FGFRL1: variants seen among roughly 807,000 people sequenced by gnomAD.
The protein encoded by FGFRL1 is fibroblast growth factor receptor like 1.
FGFRL1 carries 24 observed loss-of-function variants against 36.8 expected under a neutral mutation model. The ratio of observed to expected loss-of-function variants is 0.65; its 90% CI spans 0.47 to 0.92. The LOEUF (loss-of-function observed/expected upper bound fraction) is 0.92. Ranked by LOEUF, FGFRL1 falls within the 40% of genes least tolerant of loss-of-function variation. The probability of loss-of-function intolerance (pLI) is 0.00; values close to 1 mark genes in which losing one functional copy is unlikely to be tolerated. For synonymous variants in FGFRL1, 422 were observed against 344.1 expected (o/e 1.23, Z -2.50); for missense variants, 785 against 753.4 (o/e 1.04, Z -0.49).
rs775228687 is a variant in FGFRL1 at position 1,024,110 on chromosome 4, G to A, written c.718+9G>A. 2.0e-6 allele frequency: 3 copies of A among 1,527,136 alleles called. No homozygotes were observed. Among genetic ancestry groups the A allele is most frequent in the Non-Finnish European group, 2.6e-6 (3 of 1,138,608 alleles). 94.6% of individuals were successfully genotyped at this position (1,527,136 alleles called of 1,614,324 possible). ...CAAGGTGGATGTGATCCGTGAGTGT[G>A]GCCCCGGGCGCTGGCGGGCGGGGGG... On this transcript the variant is annotated intron_variant, in intron 5 of 6. Coordinates refer to ENST00000510644, the MANE Select transcript of FGFRL1 (RefSeq NM_001004356.3).
chr4:1,012,448 A>T (rs1407005545), intron 1 of FGFRL1, 22 bp from the exon 2 acceptor site: 3 of 1,574,262 alleles, frequency 1.9e-6, no homozygotes, highest in Non-Finnish European at 1.7e-6. Flanking sequence ...CGTGTTAGTG[A>T]CGGCGCCCCC....
At chr4:1,022,720 T>C (rs948610917) in intron 3 of FGFRL1, among the ~76,000 whole-genome samples, 1 of 151,570 alleles carries the variant, frequency 6.6e-6, no homozygotes, top group African/African-American at 2.4e-5. Context: ...GGGCGGAGGG[T>C]GGAGGGCGGG....
At position 1,024,315 on chromosome 4, in the gene FGFRL1, G is replaced by T; in HGVS notation, c.723G>T (p.Arg241=). ...CCGCGTGCCACGTTCCCACAGAGCG[G>T]ACCCGTTCCAAGCCCGTGCTCACAG... ...NATYKVDVIQ[R]TRSKPVLTGT... Residue 241 remains arginine (R), a synonymous_variant, in exon 6 of 7, where the codon CGG becomes CGT. Coordinates refer to ENST00000510644, the MANE Select transcript of FGFRL1 (RefSeq NM_001004356.3). 1 of 1,598,178 alleles carries T rather than the reference G, an allele frequency of 6.3e-7. No individual in the cohort carries two copies.
In FGFRL1 at chr4:1,023,812, C is replaced by G; in HGVS notation, c.434-5C>G. The G allele has an allele frequency of 6.4e-7, 1 of 1,574,668 alleles. No homozygotes were observed. The highest frequency in any genetic ancestry group is 8.6e-7 in the Non-Finnish European group (1 of 1,159,948). On this transcript the variant is annotated splice_polypyrimidine_tract_variant and splice_region_variant and intron_variant, in intron 4 of 6. Transcript: ENST00000510644. This position sits in a 1 kb window ranked among gnomAD's most constrained non-coding sequence, Gnocchi z 6.0. ...CTCTGACCTCCACGCCACCCCACCC[C>G]GCAGCACGACCGCGCTTCACACAGC...
intron 2 of FGFRL1, among the ~76,000 whole-genome samples, chr4:1,017,707 C>T (rs977300103): frequency 7.2e-5 from 11 of 152,178 alleles, no homozygotes; most frequent in Admixed American, 5.2e-4. Context: ...GGGGTCATGA[C>T]GCTGCACGTG....
Position 1,024,441 on chromosome 4 carries a change from C to T in FGFRL1, c.849C>T (p.Arg283=), listed in dbSNP as rs770577862. 1.7e-5 allele frequency: 27 copies of T among 1,612,434 alleles called. No homozygotes were observed. The highest frequency in any genetic ancestry group is 5.5e-5 in the South Asian group (5 of 91,084). The part of the protein sequence containing the change: ...DVKPVIQWLK[R]VEYGAEGRHN... ...AGCCGGTGATCCAGTGGCTGAAGCG[C>T]GTGGAGTACGGCGCCGAGGGCCGCC... The change falls in exon 6 of 7, where the codon CGC becomes CGT. Residue 283 remains arginine (R), a synonymous_variant. Transcript: ENST00000510644.
At position 1,025,401 on chromosome 4, in the gene FGFRL1, G is replaced by GCCATCCCA; in HGVS notation, c.*54_*55insCCATCCCA. 2 of 1,502,666 alleles carry GCCATCCCA rather than the reference G, an allele frequency of 1.3e-6. No individual in the cohort carries two copies. The highest frequency in any genetic ancestry group is 1.4e-5 in the African/African-American group (1 of 72,426). The allele number at this position is 1,502,666 out of a possible 1,614,324, so 93.1% of individuals were successfully genotyped here. A position where few individuals can be genotyped will look rare whatever the true frequency, so the allele number is the denominator to read the frequency against. On this transcript the variant is annotated 3_prime_UTR_variant, in exon 7 of 7. Coordinates refer to ENST00000510644, the MANE Select transcript of FGFRL1 (RefSeq NM_001004356.3). ...GGGGCCGGCCAGACAGGCAGACTGG[G>GCCATCCCA]AGGATGGAGGACGGAGCTGCAGACG...
intron 2 of FGFRL1, among the ~76,000 whole-genome samples, chr4:1,021,514 T>C (rs1322145328): frequency 6.6e-6 from 1 of 151,776 alleles, no homozygotes; most frequent in Non-Finnish European, 1.5e-5. Flanking sequence ...CCCTTGGGGG[T>C]GGGCAGACAG....
At position 1,026,156 on chromosome 4, in the gene FGFRL1, C is replaced by G. The variant is rs891165597; in HGVS notation, c.*809C>G. ...CACACACGTGCAGATATTGCCTGGA[C>G]ACACACATGTGCACAGATATGCTGT... On this transcript the variant is annotated 3_prime_UTR_variant, in exon 7 of 7. Transcript: ENST00000510644. 5 of 156,414 alleles carry G rather than the reference C, an allele frequency of 3.2e-5. No individual in the cohort carries two copies. Among genetic ancestry groups the G allele is most frequent in the Non-Finnish European group, 5.6e-5 (4 of 71,078 alleles). The allele number at this position is 156,414 out of a possible 1,614,324, so 9.7% of individuals were successfully genotyped here.
At chr4:1,018,610 G>T (rs1716017781) in intron 2 of FGFRL1, among the ~76,000 whole-genome samples, 1 of 152,170 alleles carries the variant, frequency 6.6e-6, no homozygotes, top group African/African-American at 2.4e-5. Context: ...GGCCCCGGAG[G>T]TGGCACAGTG....
chr4:1,014,568 C>G (rs944136618), intron 2 of FGFRL1, among the ~76,000 whole-genome samples: 1 of 152,068 alleles, frequency 6.6e-6, no homozygotes, highest in Non-Finnish European at 1.5e-5. Flanking sequence ...CCAGGGGTGC[C>G]CCATGCCTGG....
At chr4:1,019,243 G>C (rs1162795996) in intron 2 of FGFRL1, among the ~76,000 whole-genome samples, 2 of 152,210 alleles carry the variant, frequency 1.3e-5, no homozygotes, top group African/African-American at 4.8e-5. Flanking sequence ...TCCCTCCCCA[G>C]ATGTGGGGGG....
chr4:1,022,543 GA>G, intron 3 of FGFRL1, 68 bp downstream of exon 3: 2 of 1,509,374 alleles, frequency 1.3e-6, no homozygotes, highest in Non-Finnish European at 1.8e-6. Context: ...CAGGAGGGCG[GA>G]CGGGGACACA....
At position 1,023,510 on chromosome 4, in the gene FGFRL1, C is replaced by T. The variant is rs977230466; in HGVS notation, c.353-131C>T. On this transcript the variant is annotated intron_variant, in intron 3 of 6. Coordinates refer to ENST00000510644, the MANE Select transcript of FGFRL1 (RefSeq NM_001004356.3). The surrounding 1 kb of genome is among the most constrained non-coding windows in gnomAD (Gnocchi z 6.0). ...GGGATTCTGGGCTGTGGGTGTGTGG[C>T]GCAGCCCCCTGCCTGGGTGTCCAGG... 1.1e-4 allele frequency: 89 copies of T among 827,514 alleles called. No homozygotes were observed. The highest frequency in any genetic ancestry group is 5.3e-4 in the South Asian group (34 of 63,766). 51.3% of individuals were successfully genotyped at this position (827,514 alleles called of 1,614,324 possible). A position where few individuals can be genotyped will look rare whatever the true frequency, so the allele number is the denominator to read the frequency against.
intron 2 of FGFRL1, among the ~76,000 whole-genome samples, chr4:1,018,550 CAGGGGCTG>C (rs1716014240): frequency 6.6e-6 from 1 of 152,168 alleles, no homozygotes; most frequent in Admixed American, 6.5e-5. Flanking sequence ...GTGTGCAGGG[CAGGGGCTG>C]TGCTGGAGGA....
upstream of FGFRL1, chr4:1,011,032 C>T (rs910680519): frequency 2.0e-5 from 3 of 152,214 alleles, no homozygotes; most frequent in Non-Finnish European, 2.9e-5. Flanking sequence ...CGGCCGTCCC[C>T]CCCTACCCCG....
At position 1,023,889 on chromosome 4, in the gene FGFRL1, G is replaced by A. The variant is rs771531742; in HGVS notation, c.506G>A (p.Arg169Gln). 14 of 1,581,446 alleles carry A rather than the reference G, an allele frequency of 8.9e-6. No homozygotes were observed. In the East Asian group the frequency reaches 1.6e-4, roughly 18 times the overall value. Residue 169 changes from arginine to glutamine, a missense_variant, in exon 5 of 7, where the codon CGG (arginine) becomes CAG (glutamine). Physicochemically the swap from Arg to Gln is conservative, Grantham distance 43. Coordinates refer to ENST00000510644, the MANE Select transcript of FGFRL1 (RefSeq NM_001004356.3). The surrounding 1 kb of genome is among the most constrained non-coding windows in gnomAD (Gnocchi z 6.0). ...GCACGGCCCGTGGGTAGCTCCGTGC[G>A]GCTCAAGTGCGTGGCCAGCGGGCAC... ...VIARPVGSSV[R>Q]LKCVASGHPR...
At chr4:1,022,175 G>C (rs758308383) in intron 2 of FGFRL1, 28 bp from the exon 3 acceptor site, 1 of 1,484,096 alleles carries the variant, frequency 6.7e-7, no homozygotes. Flanking sequence ...GCCCCTCCTC[G>C]CTGACTGTTC....
Position 1,012,319 on chromosome 4 carries a change from C to T in FGFRL1, c.-16-151C>T, listed in dbSNP as rs566190305. 82 of 758,724 alleles carry T rather than the reference C, an allele frequency of 1.1e-4. No individual in the cohort carries two copies. In the East Asian group the frequency reaches 2.1e-3, roughly 19 times the overall value. 47.0% of individuals were successfully genotyped at this position (758,724 alleles called of 1,614,324 possible). A position where few individuals can be genotyped will look rare whatever the true frequency, so the allele number is the denominator to read the frequency against. On this transcript the variant is annotated intron_variant, in intron 1 of 6. Coordinates refer to ENST00000510644, the MANE Select transcript of FGFRL1 (RefSeq NM_001004356.3). Reference sequence around the variant, plus strand: ...CTTTGTCTGCCTTTGATACCCACAGCTTCTCCCCGCTGCGGCTTCCTCCGC... The same window carrying T: ...CTTTGTCTGCCTTTGATACCCACAGTTTCTCCCCGCTGCGGCTTCCTCCGC...
Sources: gnomAD v4.1 joint callset for allele counts (sites outside exome capture counted in the v4.1 genomes callset) on GRCh38, gnomAD v4.1.1 for gene constraint, Gnocchi (gnomAD v3.1) non-coding constraint, MANE v1.5 for transcripts, NCBI Gene and HGNC (gene_info 2026-07-23, HGNC 2026-07-21) for gene names.